Variants in IGSF11 observed in about 807,000 individuals in gnomAD.
IGSF11 encodes CXADR like 1.
A neutral mutation model predicts 41.0 loss-of-function variants in IGSF11; 22 were observed. The ratio of observed to expected loss-of-function variants is 0.54; its 90% CI spans 0.38 to 0.77. The LOEUF is 0.77. IGSF11 is among the 30% of genes least tolerant of loss of function. IGSF11 has a pLI of 0.00. For synonymous variants in IGSF11, 219 were observed against 201.3 expected, an observed-to-expected ratio of 1.09 and a Z score of -0.74; for missense variants, 444 against 530.8, an observed-to-expected ratio of 0.84 and a Z score of 1.61.
chr3:118,908,002 G>A (rs980734344), intron 4 of IGSF11, among the ~76,000 whole-genome samples: 8 of 152,108 alleles, frequency 5.3e-5, no homozygotes, highest in African/African-American at 1.9e-4. Flanking sequence ...TAATCTCTGG[G>A]CAATCAACCA....
chr3:119,021,754 T>C (rs1380315504), intron 1 of IGSF11, among the ~76,000 whole-genome samples: 2 of 152,146 alleles, frequency 1.3e-5, no homozygotes, highest in African/African-American at 4.8e-5. Context: ...AGGAAATATC[T>C]TTATGACATT....
intron 1 of IGSF11, among the ~76,000 whole-genome samples, chr3:118,980,738 C>A (rs781321032): frequency 7.2e-5 from 11 of 152,306 alleles, no homozygotes; most frequent in Middle Eastern, 3.4e-3. Context: ...CCCTAAATAT[C>A]CTGACTTAAT....
rs1939251706 is a variant in IGSF11 at position 119,021,203 on chromosome 3, T to C, written c.52+13328A>G. Among the ~76,000 whole-genome samples, 2 of 152,132 alleles carry C rather than the reference T, an allele frequency of 1.3e-5. 1 individual carries two copies. Among genetic ancestry groups the C allele is most frequent in the South Asian group, 4.1e-4 (2 of 4,830 alleles). On this transcript the variant is annotated intron_variant, in intron 1 of 6. Transcript: ENST00000393775. ...TTATACGATGCAAAGGATTCAACAA[T>C]GTAAAAAGTCATTTAAAACTAAAAT...
At chr3:119,073,750 T>C (rs2082840) in intron 1 of IGSF11, among the ~76,000 whole-genome samples, 118,482 of 152,080 alleles carry the variant, frequency 0.78, 46,579 homozygotes, top group African/African-American at 0.9. Flanking sequence ...CTGTGAGCAC[T>C]GCACACAGCC....
intron 1 of IGSF11, among the ~76,000 whole-genome samples, chr3:118,948,661 A>G (rs1559944582): frequency 6.6e-6 from 1 of 152,164 alleles, no homozygotes; most frequent in Non-Finnish European, 1.5e-5. Flanking sequence ...GAAAATTGTA[A>G]GAACCTTAAA....
At position 119,019,016 on chromosome 3, in the gene IGSF11, T is replaced by G. The variant is rs114864603; in HGVS notation, c.52+15515A>C. Among the ~76,000 whole-genome samples the G allele has an allele frequency of 7.7e-3, 1,179 of 152,330 alleles. 25 individuals carry two copies. Among genetic ancestry groups the G allele is most frequent in the African/African-American group, 0.027 (1,107 of 41,562 alleles). On this transcript the variant is annotated intron_variant, in intron 1 of 6. Transcript: ENST00000393775. Reference sequence around the variant, plus strand: ...GAAAAAGCCTGCCAAATCCAAGTATTTTTAAAAAGCACTTCAAGTGATGAA... The same window carrying G: ...GAAAAAGCCTGCCAAATCCAAGTATGTTTAAAAAGCACTTCAAGTGATGAA...
chr3:119,101,382 G>A (rs1458503808), intron 1 of IGSF11, among the ~76,000 whole-genome samples: 1 of 152,058 alleles, frequency 6.6e-6, no homozygotes, highest in African/African-American at 2.4e-5. Flanking sequence ...GGTGGCGCAT[G>A]TCTGTAGTCC....
intron 1 of IGSF11, among the ~76,000 whole-genome samples, chr3:119,092,936 C>T (rs1183606584): frequency 6.6e-6 from 1 of 152,078 alleles, no homozygotes; most frequent in East Asian, 1.9e-4. Flanking sequence ...AGGGCTATAC[C>T]ATCTAGGTTT....
intron 1 of IGSF11, among the ~76,000 whole-genome samples, chr3:119,052,918 T>C (rs1941683348): frequency 6.6e-6 from 1 of 152,146 alleles, no homozygotes; most frequent in African/African-American, 2.4e-5. Flanking sequence ...CAACAGACTC[T>C]GAAAAAGCGT....
At chr3:119,021,265 TTAG>T (rs1284650697) in intron 1 of IGSF11, among the ~76,000 whole-genome samples, 1 of 151,980 alleles carries the variant, frequency 6.6e-6, no homozygotes, top group Admixed American at 6.6e-5. Context: ...AATAGAAAAA[TTAG>T]TATCATGAGA....
intron 1 of IGSF11, among the ~76,000 whole-genome samples, chr3:119,045,514 T>C (rs1171987704): frequency 6.6e-6 from 1 of 152,090 alleles, no homozygotes; most frequent in Non-Finnish European, 1.5e-5. Context: ...GTCTCGCTGA[T>C]TGCTAGCACA....
chr3:118,958,949 C>T (rs562513653), intron 1 of IGSF11, among the ~76,000 whole-genome samples: 1 of 152,288 alleles, frequency 6.6e-6, no homozygotes, highest in East Asian at 1.9e-4. Context: ...CATTTCATTT[C>T]ATAAATTCCA....
In IGSF11 at chr3:119,074,392, A is replaced by T. The variant is rs946977873; in HGVS notation, c.49+30752T>A. 3.3e-5 allele frequency among the ~76,000 whole-genome samples: 5 copies of T among 152,270 alleles called. 1 individual carries two copies. Among genetic ancestry groups the T allele is most frequent in the East Asian group, 3.9e-4 (2 of 5,192 alleles). ...CCCCATATGATTACGTGGAAATTAA[A>T]CAATCTGCTCCTGAATGACTTTTGG... On this transcript the variant is annotated intron_variant, in intron 1 of 6. Coordinates refer to the IGSF11 transcript ENST00000354673.
intron 1 of IGSF11, among the ~76,000 whole-genome samples, chr3:118,988,729 T>C (rs1376729951): frequency 6.6e-6 from 1 of 152,144 alleles, no homozygotes; most frequent in African/African-American, 2.4e-5. Context: ...AAAGCAACTA[T>C]TTGCTTAAAA....
intron 4 of IGSF11, among the ~76,000 whole-genome samples, chr3:118,923,888 T>C (rs572584438): frequency 2.0e-5 from 3 of 152,322 alleles, no homozygotes; most frequent in Admixed American, 2.0e-4. Context: ...TGGTGAAGTT[T>C]ACTTTGATCA....
chr3:119,110,048 G>GA (rs1261744298), upstream of IGSF11, among the ~76,000 whole-genome samples: 2 of 152,128 alleles, frequency 1.3e-5, no homozygotes, highest in South Asian at 2.1e-4. Flanking sequence ...GTGTGGTGCT[G>GA]AAAAAAATGT....
chr3:118,912,418 G>A (rs1179541351), intron 4 of IGSF11, among the ~76,000 whole-genome samples: 1 of 152,112 alleles, frequency 6.6e-6, no homozygotes, highest in African/African-American at 2.4e-5. Context: ...GCTAGCTCCA[G>A]CCCTGGATTT....
At chr3:119,025,727 C>T (rs1576676794) in intron 1 of IGSF11, among the ~76,000 whole-genome samples, 2 of 151,880 alleles carry the variant, frequency 1.3e-5, no homozygotes, top group Middle Eastern at 3.4e-3. Flanking sequence ...TGCTTTTTTT[C>T]TCTCCCCGGA....
At chr3:119,059,239 G>C (rs780534855) in intron 1 of IGSF11, among the ~76,000 whole-genome samples, 1 of 151,122 alleles carries the variant, frequency 6.6e-6, no homozygotes, top group Non-Finnish European at 1.5e-5. Context: ...GTCATAAAAA[G>C]GAATGAAATA....
Sources: allele counts gnomAD v4.1 joint callset (sites outside exome capture counted in the v4.1 genomes callset), GRCh38; gene constraint gnomAD v4.1.1; transcripts MANE v1.5; gene names NCBI Gene and HGNC (gene_info 2026-07-23, HGNC 2026-07-21).